The following SNX15 variants were observed in gnomAD, a reference collection of about 807,000 sequenced individuals.
SNX15 encodes sorting nexin 15.
In SNX15, 29 loss-of-function variants were observed where a neutral mutation model predicts 35.2. The observed-to-expected ratio is 0.82, with a 90% CI of 0.61 to 1.12. The LOEUF is 1.12. SNX15 is among the 50% of genes most tolerant of loss of function. The pLI, the probability that SNX15 is intolerant of heterozygous loss-of-function variation, is 0.00. For missense variants in SNX15, 400 were observed against 451.5 expected (o/e 0.89, Z 1.03); for synonymous variants, 189 against 188.2 (o/e 1.00, Z -0.03).
intron 2 of SNX15, 75 bp from the exon 3 acceptor site, chr11:65,032,356 C>G (rs1304909248): frequency 4.3e-6 from 7 of 1,610,762 alleles, no homozygotes; most frequent in Non-Finnish European, 5.9e-6. Context: ...CTCACGCCCC[C>G]TGGGGGCAGG....
intron 1 of SNX15, among the ~76,000 whole-genome samples, chr11:65,029,884 T>C (rs1946421608): frequency 6.6e-6 from 1 of 151,398 alleles, no homozygotes; most frequent in Admixed American, 6.6e-5. Flanking sequence ...GCCTATATTT[T>C]TATTTTATTT....
At position 65,038,762 on chromosome 11, in the gene SNX15, A is replaced by G. The variant is rs750580470; in HGVS notation, c.855A>G (p.Ala285=). Residue 285 remains alanine (A), a synonymous_variant, in exon 7 of 8, where the codon GCA becomes GCG. Coordinates refer to ENST00000377244, the MANE Select transcript of SNX15 (RefSeq NM_013306.5). ...CCCAGGCCCTGCGGGATGAGAAGGC[A>G]GGCGCTTACGCTGCTGCACTCCAGG... is the stretch of plus-strand genomic sequence containing the variant. ...LITQALRDEK[A]GAYAAALQGY... The G allele has an allele frequency of 2.1e-5, 34 of 1,600,666 alleles. No homozygotes were observed. The Middle Eastern group carries it at 5.0e-4, about 23-fold the overall frequency.
chr11:65,033,585 A>G (rs897003719), intron 3 of SNX15, among the ~76,000 whole-genome samples: 2 of 149,852 alleles, frequency 1.3e-5, no homozygotes, highest in African/African-American at 2.5e-5. Context: ...TTTTCCTATT[A>G]TTTAATCTAG....
rs754819898 is a variant in SNX15 at position 65,035,682 on chromosome 11, C to T, written c.664+19C>T. On this transcript the variant is annotated intron_variant, in intron 6 of 7. Coordinates refer to ENST00000377244, the MANE Select transcript of SNX15 (RefSeq NM_013306.5). ...AAGGAAGGTAATGAGCTGGGACAGC[C>T]GGGAAGGAGCCAGGGCAGGACGTCC... 3.8e-5 allele frequency: 61 copies of T among 1,587,778 alleles called. No individual in the cohort carries two copies. The highest frequency in any genetic ancestry group is 3.4e-4 in the Middle Eastern group (2 of 5,916).
At position 65,028,688 on chromosome 11, in the gene SNX15, T is replaced by TAA. The variant is rs5792345; in HGVS notation, c.99+1070_99+1071dup. On this transcript the variant is annotated intron_variant, in intron 1 of 7. Coordinates refer to ENST00000377244, the MANE Select transcript of SNX15 (RefSeq NM_013306.5). ...TAAAATACAGACACACACACAACTT[T>TAA]AAAAAAAAAAAAAAAAAAAGCAAAT... 3.1e-3 allele frequency among the ~76,000 whole-genome samples: 332 copies of TAA among 108,506 alleles called. 1 individual carries two copies. The highest frequency in any genetic ancestry group is 5.3e-3 in the Middle Eastern group (1 of 188). The allele number at this position is 108,506 out of a possible 152,430, so 71.2% of individuals were successfully genotyped here. A position where few individuals can be genotyped will look rare whatever the true frequency, so the allele number is the denominator to read the frequency against.
intron 1 of SNX15, among the ~76,000 whole-genome samples, chr11:65,029,248 C>T (rs146343728): frequency 0.012 from 1,876 of 151,306 alleles, 21 homozygotes; most frequent in South Asian, 0.03. Context: ...AAACTTCCGT[C>T]GCCCGGGTTC....
rs1309546571 is a variant in SNX15, at chr11:65,040,531, A to G, written c.*739A>G. 6.6e-6 allele frequency: 1 copy of G among 152,254 alleles called. No homozygotes were observed. Among genetic ancestry groups the G allele is most frequent in the Non-Finnish European group, 1.5e-5 (1 of 68,042 alleles). 9.4% of individuals were successfully genotyped at this position (152,254 alleles called of 1,614,324 possible). The stretch of plus-strand genomic sequence containing the variant: ...TTTATATGTGACAAGTGAAAATTAT[A>G]TGAAATTTAAGAGTCCATAAATAAA... On this transcript the variant is annotated 3_prime_UTR_variant, in exon 8 of 8. Transcript: ENST00000377244.
chr11:65,028,688 TAAAAAAA>T (rs5792345), intron 1 of SNX15, among the ~76,000 whole-genome samples: 2 of 108,558 alleles, frequency 1.8e-5, no homozygotes, highest in Non-Finnish European at 3.6e-5. Context: ...CACACAACTT[TAAAAAAA>T]AAAAAAAAAA....
At chr11:65,031,232 C>T (rs1946436259) in intron 1 of SNX15, among the ~76,000 whole-genome samples, 1 of 152,168 alleles carries the variant, frequency 6.6e-6, no homozygotes, top group South Asian at 2.1e-4. Context: ...CTATGTTGCC[C>T]AGGCTGGCCT....
chr11:65,037,196 C>T (rs764203948), intron 6 of SNX15: 1 of 152,106 alleles, frequency 6.6e-6, no homozygotes, highest in African/African-American at 2.4e-5. Flanking sequence ...TTTTTCCTCT[C>T]CTTTTTAATT....
At chr11:65,039,031 T>C (rs1274382463) in intron 7 of SNX15, among the ~76,000 whole-genome samples, 1 of 102,030 alleles carries the variant, frequency 9.8e-6, no homozygotes, top group African/African-American at 3.8e-5. Flanking sequence ...TTCTTCCTCT[T>C]TTTTTTTTTT....
Position 65,027,464 on chromosome 11 carries a change from C to A in SNX15, c.-74C>A. Reference sequence around the variant, plus strand: ...GCAGGCCTGGCGAGGCGGCGGCGGGCGGAGGCTGGGCCGGAGGGGTGGGGA... The same window carrying A: ...GCAGGCCTGGCGAGGCGGCGGCGGGAGGAGGCTGGGCCGGAGGGGTGGGGA... On this transcript the variant is annotated 5_prime_UTR_variant, in exon 1 of 8. Coordinates refer to ENST00000377244, the MANE Select transcript of SNX15 (RefSeq NM_013306.5). 6 of 1,213,356 alleles carry A rather than the reference C, an allele frequency of 4.9e-6. No homozygotes were observed. Among genetic ancestry groups the A allele is most frequent in the Non-Finnish European group, 7.3e-6 (6 of 819,482 alleles). The allele number at this position is 1,213,356 out of a possible 1,614,324, so 75.2% of individuals were successfully genotyped here. A position where few individuals can be genotyped will look rare whatever the true frequency, so the allele number is the denominator to read the frequency against.
intron 1 of SNX15, among the ~76,000 whole-genome samples, 185 bp from the exon 2 acceptor site, chr11:65,031,961 GATAGATGGAGAAACTGAGGTAC>G (rs1946444558): frequency 6.6e-6 from 1 of 152,160 alleles, no homozygotes; most frequent in South Asian, 2.1e-4. Flanking sequence ...CCTCCTATTT[GATAGATGGAGAAACTGAGGTAC>G]ATAGTAGGAA....
intron 1 of SNX15, among the ~76,000 whole-genome samples, chr11:65,028,096 G>A (rs1300436842): frequency 1.3e-5 from 2 of 152,140 alleles, no homozygotes; most frequent in Non-Finnish European, 2.9e-5. Flanking sequence ...AATTGATGCA[G>A]TTCAGAAGGA....
Position 65,035,680 on chromosome 11 carries a change from G to A in SNX15, c.664+17G>A. The A allele has an allele frequency of 6.3e-7, 1 of 1,589,416 alleles. No homozygotes were observed. Among genetic ancestry groups the A allele is most frequent in the Non-Finnish European group, 8.6e-7 (1 of 1,168,032 alleles). On this transcript the variant is annotated intron_variant, in intron 6 of 7. Coordinates refer to ENST00000377244, the MANE Select transcript of SNX15 (RefSeq NM_013306.5). ...CCAAGGAAGGTAATGAGCTGGGACAGCCGGGAAGGAGCCAGGGCAGGACGT... is the reference window on the plus strand; with the variant it reads ...CCAAGGAAGGTAATGAGCTGGGACAACCGGGAAGGAGCCAGGGCAGGACGT...
intron 6 of SNX15, 92 bp downstream of exon 6, chr11:65,035,755 C>T (rs960497143): frequency 1.3e-5 from 17 of 1,343,254 alleles, no homozygotes; most frequent in African/African-American, 4.4e-5. Context: ...TCAGTGCCTG[C>T]GCAGATCAGG....
chr11:65,032,276 C>T (rs749001049), intron 2 of SNX15, 73 bp downstream of exon 2: 2 of 1,575,210 alleles, frequency 1.3e-6, no homozygotes, highest in South Asian at 2.2e-5. Context: ...CAGCTGGTAA[C>T]TCTGCTTGGA....
intron 3 of SNX15, among the ~76,000 whole-genome samples, 167 bp downstream of exon 3, chr11:65,032,718 C>T (rs1946454949): frequency 1.3e-5 from 2 of 152,178 alleles, no homozygotes; most frequent in South Asian, 2.1e-4. Flanking sequence ...AACTGAGGCT[C>T]AGAGTAGCCT....
chr11:65,038,850 G>A, intron 7 of SNX15, 21 bp downstream of exon 7: 1 of 1,539,962 alleles, frequency 6.5e-7, no homozygotes, highest in Non-Finnish European at 8.8e-7. Context: ...ACTGAGGGTG[G>A]AGGGTCAGGC....
Sources: allele counts gnomAD v4.1 joint callset (sites outside exome capture counted in the v4.1 genomes callset), GRCh38; gene constraint gnomAD v4.1.1; transcripts MANE v1.5; gene names NCBI Gene and HGNC (gene_info 2026-07-23, HGNC 2026-07-21).